Variants in ACMSD observed in about 807,000 individuals in gnomAD.
ACMSD encodes the protein 2-amino-3-carboxymuconate-6-semialdehyde decarboxylase.
In ACMSD, 37 loss-of-function variants were observed where a neutral mutation model predicts 45.9. The observed-to-expected ratio is 0.81, with a 90% CI of 0.62 to 1.06. The LOEUF is 1.06. Ranked by LOEUF, ACMSD falls within the 50% of genes least tolerant of loss-of-function variation. The pLI is 0.00. For synonymous variants in ACMSD, 138 were observed against 148.8 expected, an observed-to-expected ratio of 0.93 and a Z score of 0.53; for missense variants, 434 against 420.9, an observed-to-expected ratio of 1.03 and a Z score of -0.27.
chr2:134,862,016 TG>T lies in ACMSD; in HGVS notation c.249+1del. 6.2e-7 allele frequency: 1 copy of T among 1,614,162 alleles called. No individual in the cohort carries two copies. Among genetic ancestry groups the T allele is most frequent in the Non-Finnish European group, 8.5e-7 (1 of 1,180,006 alleles). ...CACAGTTCCTGTCATGTTTAGCTAC[TG>T]GGTGAGTGTGAAACCTCAAGCCATC... ...LSTVPVMFSY[W>X]AKPEDTLNLC... is the part of the protein sequence containing the mutation. On this transcript the variant is annotated frameshift_variant and splice_region_variant, in exon 4 of 10. Coordinates refer to ENST00000356140, the MANE Select transcript of ACMSD (RefSeq NM_138326.3). LOFTEE classifies it high-confidence loss of function.
At chr2:134,867,742 A>G in intron 6 of ACMSD, 70 bp downstream of exon 6, 3 of 1,235,530 alleles carry the variant, frequency 2.4e-6, no homozygotes, top group South Asian at 2.6e-5. Context: ...ATGGAAACCT[A>G]TTATGTCAAA....
At chr2:134,877,873 C>T (rs911214351) in intron 8 of ACMSD, among the ~76,000 whole-genome samples, 1 of 152,130 alleles carries the variant, frequency 6.6e-6, no homozygotes, top group East Asian at 1.9e-4. Context: ...TTAGATCCCA[C>T]CTTTTGAAGG....
At chr2:134,884,273 G>A (rs1689204632) in intron 8 of ACMSD, among the ~76,000 whole-genome samples, 1 of 152,188 alleles carries the variant, frequency 6.6e-6, no homozygotes, top group Non-Finnish European at 1.5e-5. Context: ...AAGTTAGGAA[G>A]GAAAGCAGGG....
chr2:134,851,132 AT>A (rs1472887768), intron 2 of ACMSD, among the ~76,000 whole-genome samples: 2 of 152,096 alleles, frequency 1.3e-5, no homozygotes, highest in Non-Finnish European at 2.9e-5. Context: ...TGACTTCATT[AT>A]TTTTTATGGC....
chr2:134,875,956 C>T (rs1384217181), intron 8 of ACMSD, among the ~76,000 whole-genome samples: 1 of 152,168 alleles, frequency 6.6e-6, no homozygotes, highest in Non-Finnish European at 1.5e-5. Flanking sequence ...GCCTGATGCT[C>T]CTAGGCTACA....
At chr2:134,898,051 T>A (rs1690273327) in intron 8 of ACMSD, among the ~76,000 whole-genome samples, 1 of 151,512 alleles carries the variant, frequency 6.6e-6, no homozygotes, top group Non-Finnish European at 1.5e-5. Context: ...TAAATAAATA[T>A]CAATTTCTTA....
chr2:134,859,464 C>T, intron 3 of ACMSD, 107 bp downstream of exon 3: 1 of 1,041,018 alleles, frequency 9.6e-7, no homozygotes, highest in South Asian at 1.5e-5. Context: ...CCCCTTTTCT[C>T]TGCCAGGACA....
At chr2:134,891,556 G>A in intron 8 of ACMSD, among the ~76,000 whole-genome samples, 1 of 152,084 alleles carries the variant, frequency 6.6e-6, no homozygotes, top group East Asian at 1.9e-4. Context: ...ATGCCAATCT[G>A]AATGGCTATT....
chr2:134,850,369 A>C (rs1319884679), intron 2 of ACMSD, among the ~76,000 whole-genome samples: 1 of 151,784 alleles, frequency 6.6e-6, no homozygotes, highest in Non-Finnish European at 1.5e-5. Context: ...CCCAGGTTCA[A>C]GCGATTCTCC....
intron 8 of ACMSD, among the ~76,000 whole-genome samples, chr2:134,875,548 C>T (rs1293370109): frequency 6.6e-6 from 1 of 152,192 alleles, no homozygotes; most frequent in Non-Finnish European, 1.5e-5. Context: ...CCTTCCACCT[C>T]TAAAATTCTT....
At chr2:134,863,732 G>A (rs1687961191) in intron 5 of ACMSD, 101 bp downstream of exon 5, 1 of 1,225,106 alleles carries the variant, frequency 8.2e-7, no homozygotes, top group South Asian at 1.3e-5. Flanking sequence ...ACCCCACTGG[G>A]AGGGGAGAGC....
chr2:134,847,736 G>T (rs982674827), intron 2 of ACMSD, among the ~76,000 whole-genome samples: 5 of 152,216 alleles, frequency 3.3e-5, no homozygotes, highest in African/African-American at 1.2e-4. Flanking sequence ...TGTGTTAGTT[G>T]CTGGGAATGA....
chr2:134,870,232 A>G (rs1175609768), intron 6 of ACMSD, among the ~76,000 whole-genome samples: 1 of 152,230 alleles, frequency 6.6e-6, no homozygotes, highest in Non-Finnish European at 1.5e-5. Flanking sequence ...GGCATTAGAC[A>G]TGGACCAGCT....
chr2:134,841,338 G>C (rs1277524638), intron 1 of ACMSD, among the ~76,000 whole-genome samples: 1 of 152,130 alleles, frequency 6.6e-6, no homozygotes, highest in Non-Finnish European at 1.5e-5. Context: ...GCCCAAGAGA[G>C]TACTGCTGCT....
chr2:134,898,402 TAATAG>T lies in ACMSD; in HGVS notation c.913_917del (p.Ile305ValfsTer6), dbSNP rs1294048696. The T allele has an allele frequency of 6.2e-7, 1 of 1,602,670 alleles. No individual in the cohort carries two copies. The highest frequency in any genetic ancestry group is 1.7e-5 in the Admixed American group (1 of 57,550). ...CTAGGTGAGCTGGAACCTGGGAAAC[TAATAG>T]AGTCCATGGAAGAATTTGATGAAGA... On this transcript the variant is annotated frameshift_variant, in exon 9 of 10. Coordinates refer to ENST00000356140, the MANE Select transcript of ACMSD (RefSeq NM_138326.3). LOFTEE classifies it high-confidence loss of function.
chr2:134,862,558 T>C (rs1464042470), intron 4 of ACMSD, among the ~76,000 whole-genome samples: 2 of 152,164 alleles, frequency 1.3e-5, no homozygotes, highest in Non-Finnish European at 2.9e-5. Context: ...TGCTAGTCCC[T>C]GCTCATCCAA....
rs759487621 is a variant in ACMSD, at chr2:134,863,392, C to T, written c.250-3C>T. 1.1e-5 allele frequency: 18 copies of T among 1,613,548 alleles called. No homozygotes were observed. The highest frequency in any genetic ancestry group is 1.4e-5 in the Non-Finnish European group (17 of 1,179,534). On this transcript the variant is annotated splice_polypyrimidine_tract_variant and splice_region_variant and intron_variant, in intron 4 of 9. Coordinates refer to ENST00000356140, the MANE Select transcript of ACMSD (RefSeq NM_138326.3). ...GCGGTTTTCCCTTTCCTGTCTCCAC[C>T]AGGCCAAACCTGAGGACACTTTAAA...
intron 8 of ACMSD, among the ~76,000 whole-genome samples, chr2:134,895,585 G>A (rs1319364947): frequency 6.6e-6 from 1 of 151,774 alleles, no homozygotes; most frequent in Non-Finnish European, 1.5e-5. Context: ...AGGGGGCCAG[G>A]TGCAGTGGCT....
intron 2 of ACMSD, among the ~76,000 whole-genome samples, chr2:134,858,630 T>C (rs6754903): frequency 0.22 from 33,223 of 152,012 alleles, 4,084 homozygotes; most frequent in Middle Eastern, 0.57. Context: ...AGCATAAATA[T>C]ATGCAATTTT....
Sources: allele counts gnomAD v4.1 joint callset (sites outside exome capture counted in the v4.1 genomes callset), GRCh38; gene constraint gnomAD v4.1.1; transcripts MANE v1.5; gene names NCBI Gene and HGNC (gene_info 2026-07-23, HGNC 2026-07-21).